FSTL5: variants seen among roughly 807,000 people sequenced by gnomAD.
The protein encoded by FSTL5 is follistatin like 5, also known as follistatin-related protein 5.
FSTL5 carries 62 observed loss-of-function variants against 89.1 expected under a neutral mutation model. The ratio of observed to expected loss-of-function variants is 0.70; its 90% CI spans 0.57 to 0.86. The LOEUF (loss-of-function observed/expected upper bound fraction) is 0.86. FSTL5 is among the 40% of genes least tolerant of loss of function. The pLI is 0.00. For missense variants in FSTL5, 1,057 were observed against 1,001.6 expected (o/e 1.06, Z -0.75); for synonymous variants, 383 against 346.2 (o/e 1.11, Z -1.18).
chr4:161,656,345 C>A lies in FSTL5; in HGVS notation c.877G>T (p.Asp293Tyr), dbSNP rs1453915645. ...GTACTCACATTGATGTCTTCCAAAT[C>A]TAAATTATTTAGAATAATATTGTTC... ...KRNNIILNNLDLEDINDFGDD... is the reference protein window; with the variant it reads ...KRNNIILNNLYLEDINDFGDD... Residue 293 changes from aspartate (D) to tyrosine (Y), a missense_variant, in exon 7 of 16, where the codon GAT (aspartate) becomes TAT (tyrosine). Physicochemically the swap from Asp to Tyr is radical, Grantham distance 160. This residue lies in a region of FSTL5 where 980 missense variants were observed against 903.2 expected (regional missense o/e 1.08). Coordinates refer to ENST00000306100, the MANE Select transcript of FSTL5 (RefSeq NM_020116.5). 2 of 1,574,934 alleles carry A rather than the reference C, an allele frequency of 1.3e-6. No individual in the cohort carries two copies. The highest frequency in any genetic ancestry group is 1.4e-5 in the African/African-American group (1 of 73,230).
intron 2 of FSTL5, among the ~76,000 whole-genome samples, chr4:162,041,081 A>G (rs1021622956): frequency 1.3e-5 from 2 of 152,024 alleles, no homozygotes; most frequent in African/African-American, 4.8e-5. Flanking sequence ...CAATAGTGGA[A>G]TTATGTATCA....
intron 3 of FSTL5, among the ~76,000 whole-genome samples, chr4:161,942,767 A>T (rs1359271475): frequency 6.6e-6 from 1 of 152,130 alleles, no homozygotes; most frequent in Admixed American, 6.5e-5. Context: ...GTTTTTACCT[A>T]AGACATTGGT....
chr4:161,573,133 G>A (rs1733077987), intron 8 of FSTL5, among the ~76,000 whole-genome samples: 1 of 152,140 alleles, frequency 6.6e-6, no homozygotes, highest in Non-Finnish European at 1.5e-5. Flanking sequence ...AATTTGGTCA[G>A]GCGTGGTGGC....
chr4:161,657,494 G>A (rs552494408), intron 6 of FSTL5, among the ~76,000 whole-genome samples: 10 of 152,276 alleles, frequency 6.6e-5, no homozygotes, highest in African/African-American at 2.4e-4. Flanking sequence ...TGTTAAGGTT[G>A]TGATATTTGT....
intron 13 of FSTL5, among the ~76,000 whole-genome samples, chr4:161,468,240 C>T (rs926338600): frequency 7.8e-6 from 1 of 128,188 alleles, no homozygotes; most frequent in African/African-American, 2.8e-5. Context: ...GATTAAGTGC[C>T]TACATTTTTT....
At chr4:161,836,690 T>C (rs948752289) in intron 4 of FSTL5, among the ~76,000 whole-genome samples, 3 of 151,892 alleles carry the variant, frequency 2.0e-5, no homozygotes, top group East Asian at 3.9e-4. Context: ...CTGGAAACAA[T>C]GTTGAGGATA....
intron 3 of FSTL5, among the ~76,000 whole-genome samples, chr4:162,003,705 AAATAT>A (rs1215193032): frequency 6.6e-6 from 1 of 152,208 alleles, no homozygotes; most frequent in Non-Finnish European, 1.5e-5. Context: ...ATGTGTATGT[AAATAT>A]AATAGGTGGC....
chr4:161,612,477 T>G (rs1189064485), intron 7 of FSTL5, among the ~76,000 whole-genome samples: 2 of 152,230 alleles, frequency 1.3e-5, no homozygotes, highest in Non-Finnish European at 2.9e-5. Context: ...AATAAGTTAA[T>G]TTGGTGCTTC....
intron 4 of FSTL5, among the ~76,000 whole-genome samples, chr4:161,840,994 A>T (rs1731192741): frequency 6.6e-6 from 1 of 152,154 alleles, no homozygotes; most frequent in Admixed American, 6.6e-5. Flanking sequence ...GCATTACTGA[A>T]TGTTGGCTGC....
At chr4:161,762,894 T>C (rs1471227453) in intron 5 of FSTL5, among the ~76,000 whole-genome samples, 1 of 152,154 alleles carries the variant, frequency 6.6e-6, no homozygotes, top group Non-Finnish European at 1.5e-5. Context: ...ACAGAAGTAT[T>C]AGCAGAATGG....
At chr4:161,706,828 A>G (rs1738601221) in intron 6 of FSTL5, among the ~76,000 whole-genome samples, 1 of 152,048 alleles carries the variant, frequency 6.6e-6, no homozygotes, top group Non-Finnish European at 1.5e-5. Context: ...CATATTTCAG[A>G]GTAATCCAGT....
intron 8 of FSTL5, among the ~76,000 whole-genome samples, chr4:161,558,414 G>A (rs1013451205): frequency 4.6e-5 from 7 of 151,788 alleles, no homozygotes; most frequent in Non-Finnish European, 1.0e-4. Flanking sequence ...AGAATTTACA[G>A]TTATCTCAAA....
chr4:161,547,579 G>A (rs772884161), intron 8 of FSTL5, among the ~76,000 whole-genome samples: 4 of 151,784 alleles, frequency 2.6e-5, no homozygotes, highest in Non-Finnish European at 5.9e-5. Context: ...AAATTTATCA[G>A]AATACTAAAA....
chr4:161,647,694 C>A (rs1436094866), intron 7 of FSTL5, among the ~76,000 whole-genome samples: 1 of 152,048 alleles, frequency 6.6e-6, no homozygotes, highest in Non-Finnish European at 1.5e-5. Context: ...AAGGGAAAAG[C>A]ATGGTCCCTT....
intron 2 of FSTL5, among the ~76,000 whole-genome samples, chr4:162,060,209 A>G (rs1365299647): frequency 6.6e-6 from 1 of 152,114 alleles, no homozygotes; most frequent in Non-Finnish European, 1.5e-5. Flanking sequence ...ATAATCTGAT[A>G]CAGAACTCTC....
chr4:161,602,889 A>C (rs895220429), intron 7 of FSTL5, among the ~76,000 whole-genome samples: 4 of 152,194 alleles, frequency 2.6e-5, no homozygotes, highest in Non-Finnish European at 5.9e-5. Context: ...GCAAATCTGC[A>C]TTGTAAGAAA....
chr4:161,622,744 A>C (rs980854730), intron 7 of FSTL5, among the ~76,000 whole-genome samples: 4 of 152,118 alleles, frequency 2.6e-5, no homozygotes, highest in African/African-American at 4.8e-5. Context: ...ATATTATAAA[A>C]ACAGAAAGCT....
intron 13 of FSTL5, among the ~76,000 whole-genome samples, chr4:161,465,352 A>C (rs1045570708): frequency 6.6e-6 from 1 of 152,200 alleles, no homozygotes; most frequent in African/African-American, 2.4e-5. Flanking sequence ...GACATGAAGT[A>C]AATGCATTAT....
chr4:161,474,313 C>T (rs4527440), intron 13 of FSTL5, among the ~76,000 whole-genome samples: 113,444 of 152,080 alleles, frequency 0.75, 42,729 homozygotes, highest in East Asian at 0.92. Context: ...TTATTTTAAA[C>T]GCATTATTTT....
Sources: allele counts gnomAD v4.1 joint callset (sites outside exome capture counted in the v4.1 genomes callset), GRCh38; gene constraint gnomAD v4.1.1; regional missense constraint gnomAD v4.1.1; transcripts MANE v1.5; gene names NCBI Gene and HGNC (gene_info 2026-07-23, HGNC 2026-07-21).